Variants in ZSWIM6 observed in about 807,000 individuals in gnomAD.
ZSWIM6 encodes zinc finger SWIM domain-containing protein 6.
In ZSWIM6, 9 loss-of-function variants were observed where a neutral mutation model predicts 113.2. That is an observed-to-expected ratio of 0.08 (90% CI 0.05 to 0.14). The LOEUF is 0.14. Ranked by LOEUF, ZSWIM6 falls within the 10% of genes least tolerant of loss-of-function variation. The probability of loss-of-function intolerance (pLI) is 1.00; values close to 1 mark genes in which losing one functional copy is unlikely to be tolerated. For synonymous variants in ZSWIM6, 611 were observed against 606.5 expected, an observed-to-expected ratio of 1.01 and a Z score of -0.11; for missense variants, 1,162 against 1,552.2, an observed-to-expected ratio of 0.75 and a Z score of 4.22.
intron 1 of ZSWIM6, among the ~76,000 whole-genome samples, chr5:61,437,848 A>G (rs1388110231): frequency 6.6e-6 from 1 of 152,172 alleles, no homozygotes; most frequent in East Asian, 1.9e-4. Flanking sequence ...AGCAATAGTA[A>G]CTATGGTTAG....
chr5:61,369,561 C>A (rs1424202752), intron 1 of ZSWIM6, among the ~76,000 whole-genome samples: 1 of 152,090 alleles, frequency 6.6e-6, no homozygotes, highest in Non-Finnish European at 1.5e-5. Context: ...CTTTGGGTAC[C>A]CACCTCTTCT....
chr5:61,381,507 C>T (rs1745475149), intron 1 of ZSWIM6, among the ~76,000 whole-genome samples: 1 of 152,136 alleles, frequency 6.6e-6, no homozygotes, highest in Non-Finnish European at 1.5e-5. Context: ...CTATCCTACA[C>T]AAAGCTCAAA....
chr5:61,541,069 G>C (rs1749722412), intron 12 of ZSWIM6, among the ~76,000 whole-genome samples: 1 of 151,832 alleles, frequency 6.6e-6, no homozygotes, highest in African/African-American at 2.4e-5. Flanking sequence ...TCAGCCCCCT[G>C]AGTAGCTGGG....
chr5:61,488,286 T>A (rs10060985), intron 2 of ZSWIM6, among the ~76,000 whole-genome samples: 5,395 of 152,106 alleles, frequency 0.035, 338 homozygotes, highest in African/African-American at 0.12. Context: ...GAGTTCTATG[T>A]CTGTGTTCAT....
chr5:61,390,731 C>T, intron 1 of ZSWIM6: 1 of 794,930 alleles, frequency 1.3e-6, no homozygotes, highest in Non-Finnish European at 2.3e-6. Context: ...CTGTCTTCTC[C>T]TCCATGGTCT....
intron 1 of ZSWIM6, among the ~76,000 whole-genome samples, chr5:61,346,069 C>T (rs201499167): frequency 2.0e-5 from 3 of 151,996 alleles, no homozygotes; most frequent in Non-Finnish European, 4.4e-5. Flanking sequence ...CTCAGCCTCC[C>T]GAGTAGCTGG....
intron 1 of ZSWIM6, among the ~76,000 whole-genome samples, chr5:61,408,884 A>G (rs1323359844): frequency 6.6e-6 from 1 of 151,926 alleles, no homozygotes; most frequent in Non-Finnish European, 1.5e-5. Context: ...AGAGTCAGAG[A>G]CTGACAGCGC....
At chr5:61,487,796 C>T (rs1748060487) in intron 2 of ZSWIM6, among the ~76,000 whole-genome samples, 1 of 152,050 alleles carries the variant, frequency 6.6e-6, no homozygotes, top group Non-Finnish European at 1.5e-5. Context: ...TCAGGTTTTT[C>T]TAGATGGAAG....
At chr5:61,440,188 A>G (rs1160051056) in intron 1 of ZSWIM6, among the ~76,000 whole-genome samples, 1 of 152,148 alleles carries the variant, frequency 6.6e-6, no homozygotes, top group East Asian at 1.9e-4. Flanking sequence ...TTAAGCTCAC[A>G]TTTGGAAGTG....
In ZSWIM6 at chr5:61,541,879, T is replaced by C. The variant is rs1580075223; in HGVS notation, c.2704-5T>C. The C allele has an allele frequency of 6.5e-7, 1 of 1,549,580 alleles. No individual in the cohort carries two copies. Among genetic ancestry groups the C allele is most frequent in the South Asian group, 1.2e-5 (1 of 83,800 alleles). ...CTAAAACATTTTGTTACCCTGTTTT[T>C]ATAGGTTATGCGAATGACACTGTCA... is the stretch of plus-strand genomic sequence containing the variant. On this transcript the variant is annotated splice_region_variant and splice_polypyrimidine_tract_variant and intron_variant, in intron 12 of 13. Coordinates refer to ENST00000252744, the MANE Select transcript of ZSWIM6 (RefSeq NM_020928.2).
chr5:61,376,766 T>A (rs1211799178), intron 1 of ZSWIM6, among the ~76,000 whole-genome samples: 3 of 144,082 alleles, frequency 2.1e-5, no homozygotes, highest in Admixed American at 1.4e-4. Context: ...GAAAATTTTA[T>A]GTAACTAGTG....
intron 12 of ZSWIM6, among the ~76,000 whole-genome samples, chr5:61,540,093 A>G (rs1218858777): frequency 6.6e-6 from 1 of 152,254 alleles, no homozygotes; most frequent in Non-Finnish European, 1.5e-5. Flanking sequence ...AAATAAAGCT[A>G]GCATGTATAA....
chr5:61,441,878 A>G (rs560595794), intron 1 of ZSWIM6, among the ~76,000 whole-genome samples: 1 of 152,314 alleles, frequency 6.6e-6, no homozygotes, highest in Non-Finnish European at 1.5e-5. Context: ...TGCTGTCCAC[A>G]CAGAAAGCCT....
intron 1 of ZSWIM6, among the ~76,000 whole-genome samples, chr5:61,419,072 T>G (rs1746307436): frequency 6.6e-6 from 1 of 152,260 alleles, no homozygotes; most frequent in Non-Finnish European, 1.5e-5. Context: ...TCCCCCTGCC[T>G]TGGCCTTCCA....
intron 1 of ZSWIM6, among the ~76,000 whole-genome samples, chr5:61,428,375 A>C (rs1746506953): frequency 6.6e-6 from 1 of 151,974 alleles, no homozygotes; most frequent in Non-Finnish European, 1.5e-5. Context: ...AGGCTGTTTT[A>C]TTTTAGAGAT....
intron 4 of ZSWIM6, among the ~76,000 whole-genome samples, chr5:61,496,244 G>C (rs1748311911): frequency 6.6e-6 from 1 of 152,028 alleles, no homozygotes; most frequent in East Asian, 1.9e-4. Flanking sequence ...CTCGTCCTGT[G>C]TGCCCCCCAC....
intron 1 of ZSWIM6, among the ~76,000 whole-genome samples, chr5:61,333,944 G>A (rs962646610): frequency 1.1e-4 from 16 of 152,022 alleles, no homozygotes; most frequent in African/African-American, 3.6e-4. Flanking sequence ...AGGGCTCGGC[G>A]GCCGCTCCCG....
intron 1 of ZSWIM6, among the ~76,000 whole-genome samples, chr5:61,442,375 G>A (rs1057364051): frequency 3.9e-5 from 6 of 152,276 alleles, no homozygotes; most frequent in African/African-American, 1.4e-4. Context: ...TAGGGAATCT[G>A]TCTTGTCAGT....
chr5:61,432,849 CA>C (rs200457770), intron 1 of ZSWIM6, among the ~76,000 whole-genome samples: 16 of 151,594 alleles, frequency 1.1e-4, no homozygotes, highest in African/African-American at 2.7e-4. Context: ...GCCAACAAAA[CA>C]AAAAAAACAG....
Sources: gnomAD v4.1 joint callset for allele counts (sites outside exome capture counted in the v4.1 genomes callset) on GRCh38, gnomAD v4.1.1 for gene constraint, MANE v1.5 for transcripts, NCBI Gene and HGNC (gene_info 2026-07-23, HGNC 2026-07-21) for gene names.